Variants in ASIC2 observed in about 807,000 individuals in gnomAD.
ASIC2 encodes acid sensing ion channel subunit 2.
A neutral mutation model predicts 57.3 loss-of-function variants in ASIC2; 25 were observed. The ratio of observed to expected loss-of-function variants is 0.44; its 90% CI spans 0.32 to 0.61. ASIC2 has a LOEUF of 0.61. Ranked by LOEUF, ASIC2 falls within the 20% of genes least tolerant of loss-of-function variation. The pLI is 0.06. For synonymous variants in ASIC2, 319 were observed against 307.5 expected (o/e 1.04, Z -0.39); for missense variants, 641 against 738.1 (o/e 0.87, Z 1.52).
intron 1 of ASIC2, among the ~76,000 whole-genome samples, chr17:33,916,604 A>G (rs1211761532): frequency 6.6e-6 from 1 of 152,160 alleles, no homozygotes; most frequent in African/African-American, 2.4e-5. Context: ...ATCATCAGTG[A>G]CCTCTGAAAT....
intron 3 of ASIC2, among the ~76,000 whole-genome samples, chr17:33,085,199 C>A (rs370187825): frequency 1.2e-4 from 19 of 152,232 alleles, no homozygotes; most frequent in African/African-American, 4.3e-4. Flanking sequence ...GCAAAGTTTC[C>A]TTAAACTTTG....
At position 33,835,115 on chromosome 17, in the gene ASIC2, C is replaced by T. The variant is rs145525805; in HGVS notation, c.555+320863G>A. Among the ~76,000 whole-genome samples the T allele has an allele frequency of 7.6e-4, 115 of 152,248 alleles. No homozygotes were observed. In the East Asian group the frequency reaches 0.015, roughly 20 times the overall value. On this transcript the variant is annotated intron_variant, in intron 1 of 9. Coordinates refer to the ASIC2 transcript ENST00000359872. ...TGTGAGATTGTAATTCAAGGGATCC[C>T]CAACTTTTTGACCTGGCCTCAGAGG...
intron 1 of ASIC2, among the ~76,000 whole-genome samples, chr17:33,334,593 C>A (rs996330886): frequency 6.6e-6 from 1 of 152,142 alleles, no homozygotes; most frequent in African/African-American, 2.4e-5. Context: ...GAAGTTTAAC[C>A]AAAGAGGGCA....
At chr17:33,581,355 A>AT (rs1904434756) in intron 1 of ASIC2, 1 of 152,130 alleles carries the variant, frequency 6.6e-6, no homozygotes. Context: ...CCGGAAGTGG[A>AT]TTTTCTCCCA....
At chr17:33,264,241 T>C (rs923735794) in intron 1 of ASIC2, among the ~76,000 whole-genome samples, 6 of 152,192 alleles carry the variant, frequency 3.9e-5, no homozygotes, top group Non-Finnish European at 5.9e-5. Flanking sequence ...TAGCACATTG[T>C]GGGCACTTCC....
intron 1 of ASIC2, among the ~76,000 whole-genome samples, chr17:34,079,846 C>T (rs1175682572): frequency 1.3e-5 from 2 of 152,150 alleles, no homozygotes; most frequent in South Asian, 2.1e-4. Flanking sequence ...AGGGCATCAA[C>T]GATTTGGGAG....
chr17:33,236,662 T>G (rs1908307083), intron 1 of ASIC2, among the ~76,000 whole-genome samples: 1 of 152,092 alleles, frequency 6.6e-6, no homozygotes, highest in African/African-American at 2.4e-5. Context: ...TCTTTAGAGA[T>G]GTAATTAGTT....
At chr17:34,152,361 T>C (rs113998995) in intron 1 of ASIC2, among the ~76,000 whole-genome samples, 2,084 of 152,118 alleles carry the variant, frequency 0.014, 55 homozygotes, top group African/African-American at 0.047. Flanking sequence ...AGAAAAAACA[T>C]AAAATAACCA....
intron 1 of ASIC2, among the ~76,000 whole-genome samples, chr17:34,098,489 T>C (rs1338824959): frequency 6.6e-6 from 1 of 152,048 alleles, no homozygotes; most frequent in Non-Finnish European, 1.5e-5. Context: ...AGCACTTGAG[T>C]TGAATCTGAA....
intron 1 of ASIC2, among the ~76,000 whole-genome samples, chr17:34,083,863 G>A (rs546726588): frequency 2.0e-4 from 30 of 152,262 alleles, no homozygotes; most frequent in South Asian, 8.3e-4. Flanking sequence ...ACTTTTTGAC[G>A]GGGTTGTTTG....
chr17:33,737,823 A>C lies in ASIC2; in HGVS notation c.555+418155T>G, dbSNP rs1909968351. On this transcript the variant is annotated intron_variant, in intron 1 of 9. Coordinates refer to the ASIC2 transcript ENST00000359872. The stretch of plus-strand genomic sequence containing the variant: ...GAATATGCACAAAAGCCCCAATTAG[A>C]CTTAAAAGTAACTTGTGAGTAGGAA... Among the ~76,000 whole-genome samples, 4 of 152,296 alleles carry C rather than the reference A, an allele frequency of 2.6e-5. No homozygotes were observed. The South Asian group carries it at 8.3e-4, about 32-fold the overall frequency.
intron 1 of ASIC2, among the ~76,000 whole-genome samples, chr17:33,358,373 T>C (rs1234381392): frequency 6.6e-6 from 1 of 152,224 alleles, no homozygotes; most frequent in Non-Finnish European, 1.5e-5. Flanking sequence ...TTTTACTTTG[T>C]AAAATGCCTC....
intron 1 of ASIC2, among the ~76,000 whole-genome samples, chr17:33,387,323 A>C (rs1909721943): frequency 6.6e-6 from 1 of 152,222 alleles, no homozygotes; most frequent in South Asian, 2.1e-4. Context: ...CCCAGCTGTG[A>C]CCCAGTCCTT....
chr17:33,408,469 T>C (rs1437423451), intron 1 of ASIC2, among the ~76,000 whole-genome samples: 1 of 152,176 alleles, frequency 6.6e-6, no homozygotes, highest in Non-Finnish European at 1.5e-5. Flanking sequence ...GTGAGCTCAG[T>C]TTGTGCATCT....
chr17:33,922,934 T>C (rs904243386), intron 1 of ASIC2, among the ~76,000 whole-genome samples: 1 of 152,178 alleles, frequency 6.6e-6, no homozygotes, highest in Non-Finnish European at 1.5e-5. Context: ...TGGCAGATGC[T>C]GTGAAGGGTC....
chr17:33,445,080 T>A (rs780358138), intron 1 of ASIC2, among the ~76,000 whole-genome samples: 3 of 152,132 alleles, frequency 2.0e-5, no homozygotes, highest in Non-Finnish European at 4.4e-5. Flanking sequence ...CTGTTTTAAA[T>A]GAAAACTACA....
At chr17:33,882,214 TCTAAAACA>T (rs1484696447) in intron 1 of ASIC2, among the ~76,000 whole-genome samples, 2 of 152,134 alleles carry the variant, frequency 1.3e-5, no homozygotes, top group African/African-American at 4.8e-5. Flanking sequence ...GGACTTCATG[TCTAAAACA>T]CCAAAAGCAA....
chr17:34,111,149 C>T lies in ASIC2; in HGVS notation c.555+44829G>A, dbSNP rs901464280. ...GCTGAGGCAGGAGAATCACTCGAAC[C>T]CAGGAGGCAGAAGTTGCAGTGAGCG... is the stretch of plus-strand genomic sequence containing the variant. On this transcript the variant is annotated intron_variant, in intron 1 of 9. Transcript: ENST00000359872. Among the ~76,000 whole-genome samples the T allele has an allele frequency of 2.6e-5, 4 of 151,892 alleles. No homozygotes were observed. The South Asian group carries it at 8.3e-4, about 32-fold the overall frequency.
chr17:33,735,107 T>C (rs966283528), intron 1 of ASIC2, among the ~76,000 whole-genome samples: 1 of 152,176 alleles, frequency 6.6e-6, no homozygotes, highest in Non-Finnish European at 1.5e-5. Context: ...GCAGTTTCTG[T>C]GACTGTCATA....
Sources: allele counts gnomAD v4.1 joint callset (sites outside exome capture counted in the v4.1 genomes callset), GRCh38; gene constraint gnomAD v4.1.1; transcripts MANE v1.5; gene names NCBI Gene and HGNC (gene_info 2026-07-23, HGNC 2026-07-21).